INTS7: variants seen among roughly 807,000 people sequenced by gnomAD.
INTS7 encodes the protein chromosome 1 open reading frame 73.
INTS7 carries 46 observed loss-of-function variants against 109.2 expected under a neutral mutation model. The ratio of observed to expected loss-of-function variants is 0.42; its 90% CI spans 0.33 to 0.54. The LOEUF is 0.54. Ranked by LOEUF, INTS7 falls within the 20% of genes least tolerant of loss-of-function variation. INTS7 has a pLI of 0.07. For missense variants in INTS7, 929 were observed against 1,132.4 expected (o/e 0.82, Z 2.58); for synonymous variants, 412 against 402.9 (o/e 1.02, Z -0.27).
At chr1:212,014,446 C>T (rs1190548599) in intron 4 of INTS7, among the ~76,000 whole-genome samples, 1 of 63,058 alleles carries the variant, frequency 1.6e-5, no homozygotes, top group East Asian at 4.9e-4. Context: ...GCCTGGATGA[C>T]AAGAGCAAAA....
chr1:212,000,940 T>C (rs2102459048), intron 7 of INTS7, among the ~76,000 whole-genome samples: 1 of 152,234 alleles, frequency 6.6e-6, no homozygotes, highest in Admixed American at 6.5e-5. Flanking sequence ...TTGCAATTCT[T>C]CCCCTCTACC....
chr1:211,940,501 A>G lies in INTS7; in HGVS notation c.*1323T>C, dbSNP rs1011079165. The G allele has an allele frequency of 6.6e-6, 1 of 152,200 alleles. No individual in the cohort carries two copies. Among genetic ancestry groups the G allele is most frequent in the Non-Finnish European group, 1.5e-5 (1 of 68,034 alleles). The allele number at this position is 152,200 out of a possible 1,614,324, so 9.4% of individuals were successfully genotyped here. On this transcript the variant is annotated 3_prime_UTR_variant, in exon 20 of 20. Transcript: ENST00000366994. ...CGGCCAAATTACTTATAGCATCGGC[A>G]TCTGCAACCATATGATCCCTGATGT...
At chr1:211,985,757 C>T (rs1158998384) in intron 8 of INTS7, among the ~76,000 whole-genome samples, 1 of 152,170 alleles carries the variant, frequency 6.6e-6, no homozygotes, top group African/African-American at 2.4e-5. Context: ...AGTTTCAATA[C>T]TTATAAACTC....
intron 7 of INTS7, among the ~76,000 whole-genome samples, chr1:212,005,109 G>A (rs1465475154): frequency 1.3e-5 from 2 of 152,092 alleles, no homozygotes; most frequent in Admixed American, 6.6e-5. Flanking sequence ...GTTTGCAATA[G>A]GCCCATGCGG....
rs879673732 is a variant in INTS7, at chr1:212,006,995, C to CT, written c.757-235dup. ...GCATTTTACAGATACTCAATCCTTTCTTTTTTTTTTTTTATACGGCCAACT... is the reference window on the plus strand; with the variant it reads ...GCATTTTACAGATACTCAATCCTTTCTTTTTTTTTTTTTTATACGGCCAACT... On this transcript the variant is annotated intron_variant, in intron 6 of 19. Coordinates refer to ENST00000366994, the MANE Select transcript of INTS7 (RefSeq NM_015434.4). 1.6e-3 allele frequency among the ~76,000 whole-genome samples: 223 copies of CT among 143,664 alleles called. 2 individuals are homozygous for CT. Among genetic ancestry groups the CT allele is most frequent in the South Asian group, 9.5e-3 (43 of 4,510 alleles). The allele number at this position is 143,664 out of a possible 152,430, so 94.2% of individuals were successfully genotyped here.
chr1:212,018,333 A>G (rs1666531758), intron 3 of INTS7, among the ~76,000 whole-genome samples: 1 of 152,152 alleles, frequency 6.6e-6, no homozygotes, highest in Non-Finnish European at 1.5e-5. Flanking sequence ...TGCTTAAAAA[A>G]AGAATTGAGG....
At chr1:211,966,614 T>C (rs1348399148) in intron 15 of INTS7, 116 bp from the exon 16 acceptor site, 1 of 656,056 alleles carries the variant, frequency 1.5e-6, no homozygotes, top group Non-Finnish European at 2.7e-6. Flanking sequence ...GTAATCATAA[T>C]GTTATCAACT....
intron 1 of INTS7, among the ~76,000 whole-genome samples, chr1:212,022,437 G>T (rs1666747748): frequency 6.6e-6 from 1 of 152,182 alleles, no homozygotes; most frequent in Admixed American, 6.5e-5. Context: ...ATCCACAGTT[G>T]TTGTAATTCC....
chr1:212,007,701 G>A (rs1665990499), intron 5 of INTS7, among the ~76,000 whole-genome samples: 1 of 152,086 alleles, frequency 6.6e-6, no homozygotes, highest in Non-Finnish European at 1.5e-5. Flanking sequence ...AAAAAGCACA[G>A]TAGAAAGCAA....
intron 1 of INTS7, among the ~76,000 whole-genome samples, chr1:212,031,392 GATC>G (rs567707453): frequency 4.1e-4 from 62 of 152,280 alleles, no homozygotes; most frequent in African/African-American, 1.4e-3. Flanking sequence ...GTATAGTAAT[GATC>G]ATATCATGAA....
At chr1:211,944,644 A>G (rs776949392) in intron 19 of INTS7, 140 bp downstream of exon 19, 37 of 673,656 alleles carry the variant, frequency 5.5e-5, no homozygotes, top group Non-Finnish European at 8.2e-5. Context: ...TACAGCCCCA[A>G]TGTGGGCTTT....
chr1:211,978,169 GT>G, intron 11 of INTS7, 102 bp downstream of exon 11: 1 of 1,329,840 alleles, frequency 7.5e-7, no homozygotes, highest in Non-Finnish European at 1.1e-6. Flanking sequence ...CCTATTGTTT[GT>G]TCTGTTTTTT....
chr1:212,018,745 GTA>G (rs1666558375), intron 3 of INTS7, among the ~76,000 whole-genome samples: 1 of 152,112 alleles, frequency 6.6e-6, no homozygotes, highest in African/African-American at 2.4e-5. Context: ...TTCTATGTCA[GTA>G]TATATAGACT....
chr1:211,943,490 CCAATTTTAA>C (rs1426025051), intron 19 of INTS7, among the ~76,000 whole-genome samples: 1 of 151,942 alleles, frequency 6.6e-6, no homozygotes, highest in Admixed American at 6.6e-5. Context: ...CAGCAGATAC[CCAATTTTAA>C]CAGTTATACT....
chr1:211,989,215 G>A (rs1484190636), intron 7 of INTS7, among the ~76,000 whole-genome samples: 1 of 151,650 alleles, frequency 6.6e-6, no homozygotes, highest in Non-Finnish European at 1.5e-5. Flanking sequence ...AAGATCATGT[G>A]GAAAAATAAA....
chr1:211,968,960 A>G (rs1390371558), intron 13 of INTS7, among the ~76,000 whole-genome samples: 2 of 152,192 alleles, frequency 1.3e-5, no homozygotes, highest in East Asian at 3.8e-4. Context: ...CAAAGACCCC[A>G]TAATATGTGA....
chr1:211,966,768 T>C (rs766638510), intron 15 of INTS7, among the ~76,000 whole-genome samples: 2 of 152,182 alleles, frequency 1.3e-5, no homozygotes, highest in Non-Finnish European at 2.9e-5. Context: ...GTGATTCAAT[T>C]ACAGCAAGTC....
chr1:212,010,776 A>G (rs751730333), intron 5 of INTS7, among the ~76,000 whole-genome samples: 2 of 152,228 alleles, frequency 1.3e-5, no homozygotes, highest in Non-Finnish European at 2.9e-5. Flanking sequence ...GCCTAGGAAC[A>G]ATAGGCTATA....
At chr1:212,001,595 T>C (rs1011263406) in intron 7 of INTS7, among the ~76,000 whole-genome samples, 1 of 152,182 alleles carries the variant, frequency 6.6e-6, no homozygotes, top group Non-Finnish European at 1.5e-5. Flanking sequence ...CAATGTACAT[T>C]CACTGCCTTA....
Sources: allele counts gnomAD v4.1 joint callset (sites outside exome capture counted in the v4.1 genomes callset), GRCh38; gene constraint gnomAD v4.1.1; transcripts MANE v1.5; gene names NCBI Gene and HGNC (gene_info 2026-07-23, HGNC 2026-07-21).